ITPR2: variants seen among roughly 807,000 people sequenced by gnomAD.
ITPR2 encodes inositol 1,4,5-trisphosphate receptor type 2, also known as inositol 1,4,5-trisphosphate-gated calcium channel ITPR2.
Under a neutral mutation model 317.1 loss-of-function variants are expected in ITPR2, and 207 were observed. The ratio of observed to expected loss-of-function variants is 0.65; its 90% CI spans 0.58 to 0.73. The LOEUF is 0.73. Ranked by LOEUF, ITPR2 falls within the 30% of genes least tolerant of loss-of-function variation. The pLI, the probability that ITPR2 is intolerant of heterozygous loss-of-function variation, is 0.00. For synonymous variants in ITPR2, 1,156 were observed against 1,149.1 expected, an observed-to-expected ratio of 1.01 and a Z score of -0.12; for missense variants, 2,613 against 3,284.0, an observed-to-expected ratio of 0.80 and a Z score of 4.99.
At position 26,398,884 on chromosome 12, in the gene ITPR2, A is replaced by G; in HGVS notation, c.7688T>C (p.Phe2563Ser). 6.2e-7 allele frequency: 1 copy of G among 1,610,200 alleles called. No individual in the cohort carries two copies. Residue 2563 changes from phenylalanine to serine, a missense_variant, in exon 54 of 57, where the codon TTC becomes TCC. By Grantham distance (155) the Phe-to-Ser change is radical. This residue lies in a region of ITPR2 where 28 missense variants were observed against 76.0 expected (regional missense o/e 0.37). Coordinates refer to ENST00000381340, the MANE Select transcript of ITPR2 (RefSeq NM_002223.4). ...KKEEILKTTC[F>S]ICGLERDKFD... ...ATCTGCCGAACACTTACCACAGATG[A>G]AACAAGTTGTCTTTAGAATTTCTTC...
chr12:26,415,151 C>T (rs1417880252), intron 51 of ITPR2, 152 bp downstream of exon 51: 1 of 532,342 alleles, frequency 1.9e-6, no homozygotes, highest in African/African-American at 2.0e-5. Flanking sequence ...GAGTACTTCA[C>T]ATTCCTGACT....
At chr12:26,659,888 T>G (rs1286189511) in intron 15 of ITPR2, among the ~76,000 whole-genome samples, 1 of 152,264 alleles carries the variant, frequency 6.6e-6, no homozygotes, top group Admixed American at 6.5e-5. Flanking sequence ...TAAGATCTTT[T>G]CTTTAAAATA....
chr12:26,538,074 G>T (rs1944148797), intron 37 of ITPR2, among the ~76,000 whole-genome samples: 1 of 152,212 alleles, frequency 6.6e-6, no homozygotes, highest in Admixed American at 6.5e-5. Flanking sequence ...TTTGCAAATT[G>T]ATATCATCAT....
At chr12:26,383,650 A>ATT (rs10687022) in intron 55 of ITPR2, among the ~76,000 whole-genome samples, 4,496 of 134,322 alleles carry the variant, frequency 0.033, 169 homozygotes, top group African/African-American at 0.097. Context: ...CGCCTGGCTA[A>ATT]TTTTTTTTTT....
At chr12:26,803,572 G>A (rs1392491578) in intron 1 of ITPR2, among the ~76,000 whole-genome samples, 1 of 152,170 alleles carries the variant, frequency 6.6e-6, no homozygotes, top group Non-Finnish European at 1.5e-5. Context: ...TCTACAAGTG[G>A]ATGGCTAGAG....
rs1169137074 is a variant in ITPR2 at position 26,335,828 on chromosome 12, T to G, written c.*3569A>C. On this transcript the variant is annotated 3_prime_UTR_variant, in exon 57 of 57. Transcript: ENST00000381340. The stretch of plus-strand genomic sequence containing the variant: ...GCAATTTAGTGACTTGCCAAGCTCC[T>G]GCAGGCATCTGTGTTTGTGCTGAAG... 3 of 152,246 alleles carry G rather than the reference T, an allele frequency of 2.0e-5. No homozygotes were observed. Among genetic ancestry groups the G allele is most frequent in the Non-Finnish European group, 4.4e-5 (3 of 68,054 alleles). The allele number at this position is 152,246 out of a possible 1,614,324, so 9.4% of individuals were successfully genotyped here.
intron 54 of ITPR2, among the ~76,000 whole-genome samples, chr12:26,392,186 T>C (rs1157153956): frequency 2.6e-5 from 4 of 152,206 alleles, no homozygotes; most frequent in African/African-American, 9.6e-5. Context: ...TCCACCTGGA[T>C]AGCTTGTGGG....
At chr12:26,623,120 C>T (rs954751078) in intron 24 of ITPR2, among the ~76,000 whole-genome samples, 2 of 152,188 alleles carry the variant, frequency 1.3e-5, no homozygotes, top group Non-Finnish European at 2.9e-5. Flanking sequence ...CAATAAGATG[C>T]TTAGTGTAGT....
intron 1 of ITPR2, among the ~76,000 whole-genome samples, chr12:26,799,028 CAT>C (rs1228513937): frequency 1.3e-5 from 2 of 152,142 alleles, no homozygotes; most frequent in Non-Finnish European, 2.9e-5. Flanking sequence ...TATTTTTAGA[CAT>C]GTCTAATTTC....
intron 51 of ITPR2, among the ~76,000 whole-genome samples, chr12:26,412,144 A>T (rs1459364426): frequency 6.6e-6 from 1 of 152,184 alleles, no homozygotes. Context: ...CATGATGGAG[A>T]GACAAGGGTA....
intron 13 of ITPR2, among the ~76,000 whole-genome samples, chr12:26,668,746 T>C (rs1947681846): frequency 6.6e-6 from 1 of 151,718 alleles, no homozygotes; most frequent in Non-Finnish European, 1.5e-5. Context: ...AACAAAGCAA[T>C]ATATTAAAAA....
intron 10 of ITPR2, among the ~76,000 whole-genome samples, chr12:26,692,724 G>A (rs1414243374): frequency 6.6e-6 from 1 of 152,068 alleles, no homozygotes; most frequent in Non-Finnish European, 1.5e-5. Context: ...CATTTCAGTG[G>A]CACCATGCAT....
At chr12:26,376,370 A>T (rs1591973886) in intron 55 of ITPR2, among the ~76,000 whole-genome samples, 1 of 151,808 alleles carries the variant, frequency 6.6e-6, no homozygotes, top group Non-Finnish European at 1.5e-5. Context: ...CCAGTGCTCA[A>T]CCCTCCCTCC....
chr12:26,521,349 TAA>T (rs1943659503), intron 37 of ITPR2, among the ~76,000 whole-genome samples: 1 of 152,180 alleles, frequency 6.6e-6, no homozygotes, highest in African/African-American at 2.4e-5. Context: ...AAATTTAAGA[TAA>T]AAATACCTTA....
chr12:26,693,782 C>A (rs139114446), intron 10 of ITPR2, among the ~76,000 whole-genome samples: 8 of 152,160 alleles, frequency 5.3e-5, no homozygotes, highest in Non-Finnish European at 1.5e-5. Flanking sequence ...AAAGGAGATG[C>A]GCACAGAGAT....
intron 34 of ITPR2, among the ~76,000 whole-genome samples, chr12:26,571,892 GAAGT>G (rs1945170744): frequency 6.6e-6 from 1 of 152,208 alleles, no homozygotes; most frequent in Non-Finnish European, 1.5e-5. Flanking sequence ...GAAAAAGAAT[GAAGT>G]ATTTTTGATG....
At chr12:26,734,627 T>TAA (rs57269056) in intron 2 of ITPR2, among the ~76,000 whole-genome samples, 58 of 139,836 alleles carry the variant, frequency 4.1e-4, no homozygotes, top group African/African-American at 1.5e-3. Context: ...TGTCCTAAAT[T>TAA]AAAAAAAAAA....
intron 10 of ITPR2, among the ~76,000 whole-genome samples, chr12:26,694,797 C>T (rs1211466279): frequency 6.6e-6 from 1 of 152,140 alleles, no homozygotes; most frequent in Non-Finnish European, 1.5e-5. Flanking sequence ...TCCAATTAAT[C>T]GAATAAACCT....
At chr12:26,387,175 G>A (rs1939692244) in intron 55 of ITPR2, among the ~76,000 whole-genome samples, 1 of 152,162 alleles carries the variant, frequency 6.6e-6, no homozygotes, top group Non-Finnish European at 1.5e-5. Context: ...TAACTGAGAT[G>A]GTGCTAGTCA....
Sources: gnomAD v4.1 joint callset for allele counts (sites outside exome capture counted in the v4.1 genomes callset) on GRCh38, gnomAD v4.1.1 for gene constraint, gnomAD v4.1.1 regional missense constraint, MANE v1.5 for transcripts, NCBI Gene and HGNC (gene_info 2026-07-23, HGNC 2026-07-21) for gene names.